The following PCDHGA9 variants were observed in gnomAD, a reference collection of about 807,000 sequenced individuals.
PCDHGA9 encodes the protein protocadherin gamma-A9.
Under a neutral mutation model 62.5 loss-of-function variants are expected in PCDHGA9, and 37 were observed. That is an observed-to-expected ratio of 0.59 (90% CI 0.46 to 0.78). PCDHGA9 has a LOEUF of 0.78. PCDHGA9 is among the 30% of genes least tolerant of loss of function. The probability of loss-of-function intolerance (pLI) is 0.00; values close to 1 mark genes in which losing one functional copy is unlikely to be tolerated. For synonymous variants in PCDHGA9, 459 were observed against 484.6 expected (o/e 0.95, Z 0.69); for missense variants, 1,138 against 1,166.2 (o/e 0.98, Z 0.35).
chr5:141,419,515 G>T, intron 1 of PCDHGA9: 1 of 1,612,264 alleles, frequency 6.2e-7, no homozygotes, highest in Non-Finnish European at 8.5e-7. Flanking sequence ...GCGTGTTGGT[G>T]GGCGACCGTA....
intron 1 of PCDHGA9, chr5:141,421,287 C>T: frequency 1.2e-6 from 2 of 1,613,240 alleles, no homozygotes; most frequent in Non-Finnish European, 1.7e-6. Flanking sequence ...TGTGCATTTT[C>T]CTGGGGACGC....
intron 2 of PCDHGA9, among the ~76,000 whole-genome samples, chr5:141,499,738 A>G (rs1284003023): frequency 2.4e-5 from 3 of 127,268 alleles, no homozygotes; most frequent in South Asian, 2.4e-4. Flanking sequence ...TCTCTTGCCC[A>G]GGCTGTGGCA....
intron 1 of PCDHGA9, chr5:141,413,694 C>G (rs2095667651): frequency 1.2e-6 from 2 of 1,613,800 alleles, no homozygotes; most frequent in East Asian, 4.5e-5. Context: ...CCCTGCAGAG[C>G]TATCAGCTCA....
intron 1 of PCDHGA9, chr5:141,478,935 A>G: frequency 1.6e-6 from 1 of 638,574 alleles, no homozygotes. Flanking sequence ...GGCAGCTTCT[A>G]GGAATACAAA....
At chr5:141,470,227 C>A (rs1387947362) in intron 1 of PCDHGA9, among the ~76,000 whole-genome samples, 1 of 152,160 alleles carries the variant, frequency 6.6e-6, no homozygotes, top group Non-Finnish European at 1.5e-5. Flanking sequence ...AGCTTCTTCA[C>A]CAAACCCTTG....
chr5:141,488,705 G>T (rs1024064135), intron 1 of PCDHGA9, among the ~76,000 whole-genome samples: 1 of 152,200 alleles, frequency 6.6e-6, no homozygotes, highest in Non-Finnish European at 1.5e-5. Context: ...AGATTTTGCT[G>T]GTTCAAGCAA....
intron 1 of PCDHGA9, chr5:141,411,997 T>A (rs1321898808): frequency 6.6e-6 from 1 of 152,030 alleles, no homozygotes; most frequent in Non-Finnish European, 1.5e-5. Context: ...GAAGGCATAG[T>A]GACATAAACA....
In PCDHGA9 at chr5:141,485,145, A is replaced by G. The variant is rs766014792; in HGVS notation, c.2425-9662A>G. On this transcript the variant is annotated intron_variant, in intron 1 of 3. Coordinates refer to ENST00000573521, the MANE Select transcript of PCDHGA9 (RefSeq NM_018921.3). The surrounding 1 kb of genome is among the most constrained non-coding windows in gnomAD (Gnocchi z 5.7). Reference sequence around the variant, plus strand: ...GGGTCGGCTTCATCCGCGTCTCAGGAGCAAGTAGAGAATTAGCGGGCGGCA... The same window carrying G: ...GGGTCGGCTTCATCCGCGTCTCAGGGGCAAGTAGAGAATTAGCGGGCGGCA... The G allele has an allele frequency of 4.5e-6, 7 of 1,567,410 alleles. No individual in the cohort carries two copies. Among genetic ancestry groups the G allele is most frequent in the Non-Finnish European group, 6.1e-6 (7 of 1,142,014 alleles).
intron 1 of PCDHGA9, chr5:141,475,916 G>C (rs1396506642): frequency 1.7e-6 from 1 of 595,408 alleles, no homozygotes; most frequent in Non-Finnish European, 2.9e-6. Flanking sequence ...CAATGAAGAC[G>C]CTGGAGATCG....
rs746373854 is a variant in PCDHGA9, at chr5:141,404,780, A to G, written c.1828A>G (p.Lys610Glu). 1.2e-6 allele frequency: 2 copies of G among 1,612,764 alleles called. No homozygotes were observed. The highest frequency in any genetic ancestry group is 1.3e-5 in the African/African-American group (1 of 74,506). ...TGCTTGGCTCTCCTACCGCCTATTC[A>G]AGGCCAGTGAGCCAGGGCTCTTCTC... ...QNAWLSYRLFKASEPGLFSVG... is the reference protein window; with the variant it reads ...QNAWLSYRLFEASEPGLFSVG... Residue 610 changes from lysine to glutamate, a missense_variant, in exon 1 of 4, where the codon AAG becomes GAG. Physicochemically the swap from Lys to Glu is moderately conservative, Grantham distance 56. Transcript: ENST00000573521.
intron 1 of PCDHGA9, among the ~76,000 whole-genome samples, chr5:141,472,402 G>A (rs569497172): frequency 8.5e-5 from 13 of 152,160 alleles, no homozygotes; most frequent in South Asian, 2.1e-4. Context: ...TTAGCCAGGC[G>A]TGGTGGCACG....
chr5:141,418,477 C>G (rs2154547707), intron 1 of PCDHGA9: 1 of 1,614,016 alleles, frequency 6.2e-7, no homozygotes, highest in Non-Finnish European at 8.5e-7. Context: ...AAACGCAGAG[C>G]GCTCACCACT....
intron 1 of PCDHGA9, chr5:141,478,588 T>G (rs2099465964): frequency 6.3e-7 from 1 of 1,575,000 alleles, no homozygotes; most frequent in African/African-American, 1.4e-5. Flanking sequence ...TAGTGCTTTT[T>G]TATTCCTACA....
At position 141,432,143 on chromosome 5, in the gene PCDHGA9, C is replaced by A; in HGVS notation, c.2424+26767C>A. The A allele has an allele frequency of 6.2e-7, 1 of 1,614,084 alleles. No homozygotes were observed. Among genetic ancestry groups the A allele is most frequent in the South Asian group, 1.1e-5 (1 of 91,068 alleles). On this transcript the variant is annotated intron_variant, in intron 1 of 3. Transcript: ENST00000573521. The surrounding 1 kb of genome is among the most constrained non-coding windows in gnomAD (Gnocchi z 6.0). ...TCAGGCCTCCTATTCCGCTTATATC[C>A]CAGAGAACAATCCCAGAGGAGTTTC... is the stretch of plus-strand genomic sequence containing the variant.
chr5:141,404,669 A>G lies in PCDHGA9; in HGVS notation c.1717A>G (p.Thr573Ala). The G allele has an allele frequency of 1.9e-6, 3 of 1,614,100 alleles. No individual in the cohort carries two copies. The highest frequency in any genetic ancestry group is 2.5e-6 in the Non-Finnish European group (3 of 1,179,982). Residue 573 changes from threonine (T) to alanine (A), a missense_variant, in exon 1 of 4, where the codon ACT becomes GCT. By Grantham distance (58) the Thr-to-Ala change is moderately conservative. Transcript: ENST00000573521. ...LYPALPTDGS[T>A]GVELAPRSAE... ...CCCTGCCCTCCCCACTGATGGTTCTACTGGTGTGGAGCTGGCACCCCGCTC... is the reference window on the plus strand; with the variant it reads ...CCCTGCCCTCCCCACTGATGGTTCTGCTGGTGTGGAGCTGGCACCCCGCTC...
intron 1 of PCDHGA9, chr5:141,427,757 C>A: frequency 7.5e-7 from 1 of 1,340,702 alleles, no homozygotes; most frequent in Non-Finnish European, 1.1e-6. Flanking sequence ...CCATCGTTAC[C>A]ACTGACTTGG....
intron 1 of PCDHGA9, among the ~76,000 whole-genome samples, chr5:141,447,535 G>T (rs1366016262): frequency 3.3e-5 from 5 of 152,162 alleles, no homozygotes; most frequent in Admixed American, 6.5e-5. Flanking sequence ...AAATTGTTGG[G>T]TTTTAATGTT....
At chr5:141,505,650 T>C (rs1595974645) in intron 3 of PCDHGA9, among the ~76,000 whole-genome samples, 169 bp downstream of exon 3, 1 of 152,094 alleles carries the variant, frequency 6.6e-6, no homozygotes, top group East Asian at 1.9e-4. Flanking sequence ...GAATTGTGGC[T>C]AAGGAACAGC....
At chr5:141,414,633 A>C (rs1368963927) in intron 1 of PCDHGA9, 1 of 1,613,988 alleles carries the variant, frequency 6.2e-7, no homozygotes, top group South Asian at 1.1e-5. Context: ...CGGACAGCAA[A>C]GAGAATGCCC....
Sources: gnomAD v4.1 joint callset for allele counts (sites outside exome capture counted in the v4.1 genomes callset) on GRCh38, gnomAD v4.1.1 for gene constraint, Gnocchi (gnomAD v3.1) non-coding constraint, MANE v1.5 for transcripts, NCBI Gene and HGNC (gene_info 2026-07-23, HGNC 2026-07-21) for gene names.